GABRB2: variants seen among roughly 807,000 people sequenced by gnomAD.
GABRB2 encodes the protein gamma-aminobutyric acid receptor subunit beta-2.
A neutral mutation model predicts 54.7 loss-of-function variants in GABRB2; 16 were observed. The ratio of observed to expected loss-of-function variants is 0.29; its 90% CI spans 0.20 to 0.44. The LOEUF is 0.44. Among genes scored for constraint, GABRB2 ranks in the 20% least tolerant of loss-of-function variants. GABRB2 has a pLI of 1.00. For missense variants in GABRB2, 355 were observed against 644.0 expected (o/e 0.55, Z 4.86); for synonymous variants, 244 against 233.8 (o/e 1.04, Z -0.40).
chr5:161,450,593 T>A (rs967823888), intron 4 of GABRB2, among the ~76,000 whole-genome samples: 5 of 152,084 alleles, frequency 3.3e-5, no homozygotes, highest in Admixed American at 3.3e-4. Flanking sequence ...GTAGCAACAA[T>A]AATAACAAGC....
intron 5 of GABRB2, among the ~76,000 whole-genome samples, chr5:161,372,861 A>G (rs1335317348): frequency 6.6e-6 from 1 of 152,178 alleles, no homozygotes; most frequent in East Asian, 1.9e-4. Context: ...CAGAGCCTGC[A>G]TTCCTCTCTG....
chr5:161,345,574 G>T (rs1754298800), intron 5 of GABRB2, among the ~76,000 whole-genome samples: 1 of 151,996 alleles, frequency 6.6e-6, no homozygotes, highest in South Asian at 2.1e-4. Context: ...TCAGTTACTT[G>T]AAATATTTTC....
At position 161,289,016 on chromosome 5, in the gene GABRB2, A is replaced by G. The variant is rs1757161302; in HGVS notation, c.*5065T>C. 1 of 152,160 alleles carries G rather than the reference A, an allele frequency of 6.6e-6. No individual in the cohort carries two copies. Among genetic ancestry groups the G allele is most frequent in the Non-Finnish European group, 1.5e-5 (1 of 68,032 alleles). The allele number at this position is 152,160 out of a possible 1,614,324, so 9.4% of individuals were successfully genotyped here. On this transcript the variant is annotated 3_prime_UTR_variant, in exon 10 of 10. Transcript: ENST00000393959. ...CTTCAAATGGCGCAAGGACACACAC[A>G]TGGGCATCAGATTAGAGGATGTGAC... is the stretch of plus-strand genomic sequence containing the variant.
chr5:161,343,609 G>A (rs1048458108), intron 5 of GABRB2, among the ~76,000 whole-genome samples: 2 of 151,984 alleles, frequency 1.3e-5, no homozygotes, highest in Non-Finnish European at 2.9e-5. Flanking sequence ...TGTTTAGAGA[G>A]ACTAAGCAGT....
At chr5:161,509,538 C>A (rs1322436738) in intron 3 of GABRB2, among the ~76,000 whole-genome samples, 1 of 151,968 alleles carries the variant, frequency 6.6e-6, no homozygotes, top group African/African-American at 2.4e-5. Context: ...ATCAGCTCCA[C>A]ACCTTACACA....
At chr5:161,372,762 T>C (rs1328850178) in intron 5 of GABRB2, among the ~76,000 whole-genome samples, 1 of 152,190 alleles carries the variant, frequency 6.6e-6, no homozygotes, top group Non-Finnish European at 1.5e-5. Flanking sequence ...AGCTGGGTAT[T>C]GTAATTCCCT....
intron 3 of GABRB2, among the ~76,000 whole-genome samples, chr5:161,509,761 G>A (rs1335597472): frequency 2.0e-5 from 3 of 151,844 alleles, no homozygotes; most frequent in African/African-American, 4.8e-5. Flanking sequence ...GCTTTATTGC[G>A]TGAATAGGAA....
intron 8 of GABRB2, among the ~76,000 whole-genome samples, chr5:161,328,295 T>G (rs946496342): frequency 7.2e-5 from 11 of 152,340 alleles, no homozygotes; most frequent in African/African-American, 2.2e-4. Context: ...GTATGGGGAC[T>G]GCAAATTTTA....
At chr5:161,508,371 G>A (rs889928435) in intron 3 of GABRB2, among the ~76,000 whole-genome samples, 1 of 149,616 alleles carries the variant, frequency 6.7e-6, no homozygotes, top group African/African-American at 2.5e-5. Context: ...AGCATATTAA[G>A]ACAACATTGA....
Position 161,522,585 on chromosome 5 carries a change from G to GA in GABRB2, c.237+22641_237+22642insT, listed in dbSNP as rs1554106212. On this transcript the variant is annotated intron_variant, in intron 3 of 9. Transcript: ENST00000393959. ...GCAAATTTTAAAATAAAGATCTAGT[G>GA]TTTTTTTTTCTTTTTGTAACTCAAA... Among the ~76,000 whole-genome samples, 9 of 150,066 alleles carry GA rather than the reference G, an allele frequency of 6.0e-5. No individual in the cohort carries two copies. In the East Asian group the frequency reaches 1.7e-3, roughly 29 times the overall value.
At chr5:161,375,336 G>T (rs1261395902) in intron 5 of GABRB2, among the ~76,000 whole-genome samples, 1 of 152,192 alleles carries the variant, frequency 6.6e-6, no homozygotes, top group Non-Finnish European at 1.5e-5. Flanking sequence ...TAGGTGTCTA[G>T]TTTCCCTTGA....
intron 3 of GABRB2, among the ~76,000 whole-genome samples, chr5:161,479,613 T>A (rs1758698036): frequency 7.4e-6 from 1 of 134,596 alleles, no homozygotes; most frequent in South Asian, 2.3e-4. Flanking sequence ...TGAGGTGGAG[T>A]CTCACTCTGT....
At chr5:161,338,908 T>C (rs1754074290) in intron 5 of GABRB2, among the ~76,000 whole-genome samples, 1 of 152,136 alleles carries the variant, frequency 6.6e-6, no homozygotes, top group Non-Finnish European at 1.5e-5. Flanking sequence ...CGCTTCTGTA[T>C]AAAATTTTCT....
Position 161,293,382 on chromosome 5 carries a change from G to A in GABRB2, c.*699C>T, listed in dbSNP as rs1166446340. 3 of 152,140 alleles carry A rather than the reference G, an allele frequency of 2.0e-5. No homozygotes were observed. The highest frequency in any genetic ancestry group is 6.5e-5 in the Admixed American group (1 of 15,268). 9.4% of individuals were successfully genotyped at this position (152,140 alleles called of 1,614,324 possible). Reference sequence around the variant, plus strand: ...TACTTTAACCACCTAGGAAATAGCCGTTTAGCAAAAATTTTCTTGGCCACC... The same window carrying A: ...TACTTTAACCACCTAGGAAATAGCCATTTAGCAAAAATTTTCTTGGCCACC... On this transcript the variant is annotated 3_prime_UTR_variant, in exon 10 of 10. Transcript: ENST00000393959.
intron 5 of GABRB2, among the ~76,000 whole-genome samples, chr5:161,402,946 T>G (rs542655955): frequency 1.3e-5 from 2 of 151,688 alleles, no homozygotes; most frequent in South Asian, 4.2e-4. Context: ...GGCCTGATCA[T>G]TTGAATTTTT....
chr5:161,297,972 A>G (rs153304), intron 9 of GABRB2, among the ~76,000 whole-genome samples: 17,728 of 152,148 alleles, frequency 0.12, 1,139 homozygotes, highest in Non-Finnish European at 0.14. Context: ...AATGATTGCC[A>G]TTCTAACTGG....
chr5:161,522,866 G>C (rs1435035726), intron 3 of GABRB2, among the ~76,000 whole-genome samples: 1 of 151,066 alleles, frequency 6.6e-6, no homozygotes, highest in African/African-American at 2.4e-5. Context: ...TTATTGACTT[G>C]GTGTTAATTA....
At chr5:161,351,532 A>G (rs916682636) in intron 5 of GABRB2, among the ~76,000 whole-genome samples, 6 of 152,098 alleles carry the variant, frequency 3.9e-5, no homozygotes, top group African/African-American at 1.4e-4. Flanking sequence ...GTTCCATGCC[A>G]GATACAAAAA....
chr5:161,451,866 T>C (rs905518839), intron 4 of GABRB2, among the ~76,000 whole-genome samples: 3 of 152,000 alleles, frequency 2.0e-5, no homozygotes, highest in African/African-American at 7.2e-5. Flanking sequence ...AAGACCAAGG[T>C]GGTGGTTATC....
Sources: gnomAD v4.1 joint callset for allele counts (sites outside exome capture counted in the v4.1 genomes callset) on GRCh38, gnomAD v4.1.1 for gene constraint, MANE v1.5 for transcripts, NCBI Gene and HGNC (gene_info 2026-07-23, HGNC 2026-07-21) for gene names.